TENM3: variants seen among roughly 807,000 people sequenced by gnomAD.
TENM3 encodes teneurin-3.
In TENM3, 63 loss-of-function variants were observed where a neutral mutation model predicts 255.1. The ratio of observed to expected loss-of-function variants is 0.25; its 90% CI spans 0.20 to 0.30. The LOEUF is 0.30. Ranked by LOEUF, TENM3 falls within the 10% of genes least tolerant of loss-of-function variation. The pLI, the probability that TENM3 is intolerant of heterozygous loss-of-function variation, is 1.00. For missense variants in TENM3, 2,929 were observed against 3,461.1 expected (o/e 0.85, Z 3.86); for synonymous variants, 1,306 against 1,322.3 (o/e 0.99, Z 0.27).
the TENM3 span, among the ~76,000 whole-genome samples, chr4:181,687,392 G>A: frequency 6.6e-6 from 1 of 152,256 alleles, no homozygotes; most frequent in African/African-American, 2.4e-5. Flanking sequence ...ACAAACTTTT[G>A]TAGAAACTAA....
the TENM3 span, among the ~76,000 whole-genome samples, chr4:181,509,165 G>A: frequency 6.6e-6 from 1 of 151,854 alleles, no homozygotes; most frequent in Admixed American, 6.6e-5. Context: ...AAACTGAAAG[G>A]CAATTTTCAC....
chr4:182,362,478 G>T (rs1308572295), intron 3 of TENM3, among the ~76,000 whole-genome samples: 1 of 152,048 alleles, frequency 6.6e-6, no homozygotes, highest in Non-Finnish European at 1.5e-5. Context: ...ATCTCAGACT[G>T]CTGTGCTAGC....
chr4:181,871,083 T>C, the TENM3 span, among the ~76,000 whole-genome samples: 4 of 151,796 alleles, frequency 2.6e-5, no homozygotes, highest in Admixed American at 2.0e-4. Flanking sequence ...CATATGTGTC[T>C]ATTTCTGAAC....
At chr4:181,899,691 C>T in the TENM3 span, among the ~76,000 whole-genome samples, 2 of 152,176 alleles carry the variant, frequency 1.3e-5, no homozygotes, top group South Asian at 2.1e-4. Context: ...CCTCAGCCTC[C>T]TGAGTAGCTG....
intron 3 of TENM3, among the ~76,000 whole-genome samples, chr4:182,568,747 T>C (rs1744049381): frequency 6.6e-6 from 1 of 152,114 alleles, no homozygotes; most frequent in African/African-American, 2.4e-5. Flanking sequence ...TGTCCATCAG[T>C]AGGAGAAGGG....
chr4:181,453,050 G>A, the TENM3 span, among the ~76,000 whole-genome samples: 1 of 152,204 alleles, frequency 6.6e-6, no homozygotes, highest in East Asian at 1.9e-4. Flanking sequence ...TAAGTATTTA[G>A]AGTGCTGAAA....
At chr4:181,991,827 A>C in the TENM3 span, among the ~76,000 whole-genome samples, 3 of 152,064 alleles carry the variant, frequency 2.0e-5, no homozygotes, top group Non-Finnish European at 2.9e-5. Context: ...AGAGATTTCA[A>C]CCCCACCCCT....
rs771956487 is a variant in TENM3 at position 182,350,417 on chromosome 4, T to C, written c.511+3488T>C. The C allele has an allele frequency of 2.0e-5, 3 of 152,352 alleles. No homozygotes were observed. In the South Asian group the frequency reaches 6.2e-4, roughly 32 times the overall value. The allele number at this position is 152,352 out of a possible 1,614,324, so 9.4% of individuals were successfully genotyped here. ...ATTGAGTTTCCTGTGTAATCCCAAA[T>C]ATTAATCTTGTTCCAAATGAAGGAT... On this transcript the variant is annotated intron_variant, in intron 3 of 27. Coordinates refer to ENST00000511685, the MANE Select transcript of TENM3 (RefSeq NM_001080477.4).
intron 12 of TENM3, chr4:182,711,655 T>C: frequency 1.4e-6 from 1 of 735,058 alleles, no homozygotes; most frequent in Non-Finnish European, 1.7e-6. Context: ...TCTATATAAC[T>C]GTATATCACT....
intron 1 of TENM3, among the ~76,000 whole-genome samples, chr4:182,225,373 A>T (rs1358382218): frequency 6.6e-6 from 1 of 152,058 alleles, no homozygotes; most frequent in Non-Finnish European, 1.5e-5. Context: ...GGATGCTGGG[A>T]TGTTAGCTGG....
intron 3 of TENM3, among the ~76,000 whole-genome samples, chr4:182,496,605 A>G (rs1476189865): frequency 1.3e-5 from 2 of 152,198 alleles, no homozygotes; most frequent in Non-Finnish European, 2.9e-5. Flanking sequence ...AGTGCCATGC[A>G]TAGCTACTTG....
At chr4:181,911,343 G>A in the TENM3 span, among the ~76,000 whole-genome samples, 2 of 152,164 alleles carry the variant, frequency 1.3e-5, no homozygotes, top group Non-Finnish European at 2.9e-5. Flanking sequence ...CATGGAAAAA[G>A]ATGCAAAGAA....
At chr4:182,085,834 T>C in the TENM3 span, among the ~76,000 whole-genome samples, 1 of 152,180 alleles carries the variant, frequency 6.6e-6, no homozygotes, top group Non-Finnish European at 1.5e-5. Context: ...ATATATTGCG[T>C]TTTTCTACTC....
At chr4:181,698,707 C>G in the TENM3 span, among the ~76,000 whole-genome samples, 39 of 152,180 alleles carry the variant, frequency 2.6e-4, no homozygotes, top group Non-Finnish European at 5.1e-4. Flanking sequence ...CACCTAACTT[C>G]GTTAGACCTC....
chr4:181,771,850 C>T, the TENM3 span, among the ~76,000 whole-genome samples: 1 of 152,206 alleles, frequency 6.6e-6, no homozygotes, highest in African/African-American at 2.4e-5. Context: ...TTACCAAGCT[C>T]TTCTCTTAAA....
intron 1 of TENM3, among the ~76,000 whole-genome samples, chr4:182,152,341 T>C (rs1750405276): frequency 6.6e-6 from 1 of 151,952 alleles, no homozygotes; most frequent in South Asian, 2.1e-4. Flanking sequence ...TACTAACATA[T>C]TTAACATTTA....
intron 3 of TENM3, among the ~76,000 whole-genome samples, chr4:182,509,872 G>T (rs934338594): frequency 6.6e-6 from 1 of 150,702 alleles, no homozygotes; most frequent in African/African-American, 2.4e-5. Flanking sequence ...AGGAGGCAGA[G>T]GTTGCCATGA....
At chr4:181,767,047 T>C in the TENM3 span, among the ~76,000 whole-genome samples, 3 of 142,104 alleles carry the variant, frequency 2.1e-5, no homozygotes, top group South Asian at 4.6e-4. Context: ...GGTCAGGAGA[T>C]CAAGACCATT....
chr4:182,545,958 C>T (rs1343837092), intron 3 of TENM3, among the ~76,000 whole-genome samples: 4 of 152,148 alleles, frequency 2.6e-5, no homozygotes, highest in African/African-American at 4.8e-5. Context: ...GAAGCCTTAC[C>T]GATCAACAGT....
Sources: gnomAD v4.1 joint callset for allele counts (sites outside exome capture counted in the v4.1 genomes callset) on GRCh38, gnomAD v4.1.1 for gene constraint, MANE v1.5 for transcripts, NCBI Gene and HGNC (gene_info 2026-07-23, HGNC 2026-07-21) for gene names.